PARD3: variants seen among roughly 807,000 people sequenced by gnomAD.
PARD3 encodes the protein par-3 family cell polarity regulator, also known as partitioning defective 3 homolog.
A neutral mutation model predicts 155.4 loss-of-function variants in PARD3; 75 were observed. The ratio of observed to expected loss-of-function variants is 0.48; its 90% CI spans 0.40 to 0.58. PARD3 has a LOEUF of 0.58. PARD3 is among the 20% of genes least tolerant of loss of function. The pLI is 0.00. For synonymous variants in PARD3, 576 were observed against 610.5 expected (o/e 0.94, Z 0.83); for missense variants, 1,642 against 1,721.7 (o/e 0.95, Z 0.82).
At chr10:34,601,022 G>C (rs1706118242) in intron 2 of PARD3, among the ~76,000 whole-genome samples, 1 of 128,544 alleles carries the variant, frequency 7.8e-6, no homozygotes, top group Non-Finnish European at 1.5e-5. Context: ...TGTTGCCCAG[G>C]CTAGTCTCAA....
intron 22 of PARD3, among the ~76,000 whole-genome samples, chr10:34,255,985 C>A (rs892268523): frequency 6.6e-6 from 1 of 151,990 alleles, no homozygotes; most frequent in Non-Finnish European, 1.5e-5. Context: ...ACACATGAAT[C>A]ACATCAAAAC....
At chr10:34,476,729 A>T (rs577671140) in intron 3 of PARD3, among the ~76,000 whole-genome samples, 1 of 151,458 alleles carries the variant, frequency 6.6e-6, no homozygotes, top group African/African-American at 2.5e-5. Context: ...TTTATGAAAA[A>T]TGTACTAGAA....
At chr10:34,730,699 C>T (rs182264153) in intron 1 of PARD3, among the ~76,000 whole-genome samples, 166 of 152,220 alleles carry the variant, frequency 1.1e-3, no homozygotes, top group African/African-American at 3.6e-3. Context: ...AGGTGGGAGG[C>T]TCACTTGGGC....
chr10:34,615,038 A>G (rs1184979841), intron 2 of PARD3, among the ~76,000 whole-genome samples: 1 of 152,106 alleles, frequency 6.6e-6, no homozygotes, highest in African/African-American at 2.4e-5. Context: ...AAACTTAGCC[A>G]GGCGTTGTGG....
chr10:34,616,077 AG>A (rs1192003346), intron 2 of PARD3, among the ~76,000 whole-genome samples: 2 of 152,154 alleles, frequency 1.3e-5, no homozygotes, highest in African/African-American at 4.8e-5. Flanking sequence ...CTAGCACTTT[AG>A]GAGGCAGAGG....
At chr10:34,811,827 C>T (rs1844216590) in intron 1 of PARD3, among the ~76,000 whole-genome samples, 2 of 152,162 alleles carry the variant, frequency 1.3e-5, no homozygotes, top group South Asian at 2.1e-4. Context: ...AGGTCGCAAG[C>T]GCAGAAGAAC....
chr10:34,214,238 G>C (rs547093299), intron 22 of PARD3, among the ~76,000 whole-genome samples: 1 of 152,258 alleles, frequency 6.6e-6, no homozygotes, highest in African/African-American at 2.4e-5. Context: ...TGATTAAGTA[G>C]AGTACCTAAA....
intron 2 of PARD3, among the ~76,000 whole-genome samples, chr10:34,591,119 C>A (rs2088637994): frequency 6.6e-6 from 1 of 152,098 alleles, no homozygotes; most frequent in Admixed American, 6.6e-5. Context: ...GTCACGAAGA[C>A]CAGCTTGTTC....
At chr10:34,810,793 G>A (rs1043208904) in intron 1 of PARD3, among the ~76,000 whole-genome samples, 8 of 152,168 alleles carry the variant, frequency 5.3e-5, no homozygotes, top group Non-Finnish European at 8.8e-5. Flanking sequence ...CAGGACTTTA[G>A]AGTTTCCCTC....
At chr10:34,756,150 C>CTTTTTTT (rs58993670) in intron 1 of PARD3, among the ~76,000 whole-genome samples, 11 of 94,558 alleles carry the variant, frequency 1.2e-4, no homozygotes, top group African/African-American at 3.0e-4. Flanking sequence ...AAAAATGCAC[C>CTTTTTTT]TTTTTTTTTT....
intron 2 of PARD3, among the ~76,000 whole-genome samples, chr10:34,596,739 A>ACACACAC (rs2089297666): frequency 6.6e-6 from 1 of 152,160 alleles, no homozygotes; most frequent in African/African-American, 2.4e-5. Context: ...TGCTAATCCA[A>ACACACAC]TTCCAGGCGC....
At chr10:34,796,766 C>T (rs997825255) in intron 1 of PARD3, among the ~76,000 whole-genome samples, 3 of 152,198 alleles carry the variant, frequency 2.0e-5, no homozygotes, top group African/African-American at 7.2e-5. Flanking sequence ...GAGTGGATCA[C>T]CTGAGGTTAG....
intron 1 of PARD3, among the ~76,000 whole-genome samples, chr10:34,748,779 TGCAGG>T (rs1364605425): frequency 2.0e-5 from 3 of 152,160 alleles, no homozygotes; most frequent in African/African-American, 7.2e-5. Flanking sequence ...CCTGCTGCAG[TGCAGG>T]CACTGCAGCA....
intron 22 of PARD3, among the ~76,000 whole-genome samples, chr10:34,248,719 C>A (rs529287266): frequency 1.9e-4 from 29 of 152,300 alleles, no homozygotes; most frequent in African/African-American, 7.0e-4. Context: ...AGGCTGAGAT[C>A]ACAAAGTTAA....
chr10:34,695,616 T>G (rs955539649), intron 2 of PARD3, among the ~76,000 whole-genome samples: 4 of 150,508 alleles, frequency 2.7e-5, no homozygotes, highest in African/African-American at 9.8e-5. Flanking sequence ...AGAAAAAAAG[T>G]GGGGTAGTGG....
chr10:34,405,922 T>C lies in PARD3; in HGVS notation c.715-4005A>G, dbSNP rs76805031. ...CTTGCTGCTGTCAGAGGAGATCTTA[T>C]ACCTATCTTGCTCTACAAACATCCT... On this transcript the variant is annotated intron_variant, in intron 5 of 24. Transcript: ENST00000374788. Among the ~76,000 whole-genome samples, 431 of 152,320 alleles carry C rather than the reference T, an allele frequency of 2.8e-3. 4 individuals are homozygous for C. In the East Asian group the frequency reaches 0.034, roughly 12 times the overall value.
intron 22 of PARD3, among the ~76,000 whole-genome samples, chr10:34,235,697 C>T (rs1296667666): frequency 6.6e-6 from 1 of 152,108 alleles, no homozygotes; most frequent in African/African-American, 2.4e-5. Flanking sequence ...TAATGATATC[C>T]ACTTGTGGTC....
chr10:34,767,104 C>A (rs748683660), intron 1 of PARD3, among the ~76,000 whole-genome samples: 1 of 152,066 alleles, frequency 6.6e-6, no homozygotes, highest in Non-Finnish European at 1.5e-5. Context: ...CTACAGAAAC[C>A]CTCTGGAGTT....
At chr10:34,275,619 G>A (rs1009161705) in intron 21 of PARD3, among the ~76,000 whole-genome samples, 3 of 152,128 alleles carry the variant, frequency 2.0e-5, no homozygotes, top group African/African-American at 7.2e-5. Context: ...TTTCTAACAC[G>A]ACCAAAAGGT....
Sources: gnomAD v4.1 joint callset for allele counts (sites outside exome capture counted in the v4.1 genomes callset) on GRCh38, gnomAD v4.1.1 for gene constraint, MANE v1.5 for transcripts, NCBI Gene and HGNC (gene_info 2026-07-23, HGNC 2026-07-21) for gene names.